Variants in C19orf47 observed in about 807,000 individuals in gnomAD.
C19orf47 encodes the protein uncharacterized protein C19orf47.
In C19orf47, 18 loss-of-function variants were observed where a neutral mutation model predicts 32.3. That is an observed-to-expected ratio of 0.56 (90% confidence interval 0.39 to 0.83). C19orf47 has a LOEUF of 0.83. Among genes scored for constraint, C19orf47 ranks in the 40% least tolerant of loss-of-function variants. C19orf47 has a pLI of 0.00. For missense variants in C19orf47, 484 were observed against 531.6 expected (o/e 0.91, Z 0.88); for synonymous variants, 202 against 211.1 (o/e 0.96, Z 0.37).
Position 40,324,025 on chromosome 19 carries a change from T to A in C19orf47, c.644A>T (p.Asp215Val). 6.2e-7 allele frequency: 1 copy of A among 1,614,214 alleles called. No individual in the cohort carries two copies. The highest frequency in any genetic ancestry group is 1.1e-5 in the South Asian group (1 of 91,088). ...FDRLGAETKA[D>V]TTTGSKPTGV... ...ACTCACTTTACTCCCTGTCGTGGTG[T>A]CTGCCTTGGTCTCGGCGCCGAGGCG... Residue 215 changes from aspartate to valine, a missense_variant, in exon 8 of 9, where the codon GAC becomes GTC. By Grantham distance (152) the Asp-to-Val change is radical. Coordinates refer to ENST00000683109, the MANE Select transcript of C19orf47 (RefSeq NM_001256441.2).
At chr19:40,304,798 C>A in the C19orf47 span, among the ~76,000 whole-genome samples, 2 of 152,154 alleles carry the variant, frequency 1.3e-5, no homozygotes, top group African/African-American at 4.8e-5. Context: ...TACAGGGAAG[C>A]CATTTTTTGC....
intron 7 of C19orf47, among the ~76,000 whole-genome samples, 180 bp downstream of exon 7, chr19:40,326,154 G>A (rs2077823675): frequency 6.6e-6 from 1 of 152,194 alleles, no homozygotes; most frequent in African/African-American, 2.4e-5. Flanking sequence ...AGGATCAGAG[G>A]GCAGAGGTGA....
chr19:40,335,436 C>T (rs1201343584), intron 4 of C19orf47, among the ~76,000 whole-genome samples: 1 of 152,140 alleles, frequency 6.6e-6, no homozygotes, highest in Non-Finnish European at 1.5e-5. Flanking sequence ...TGTGCTAGTG[C>T]TTCACATAGC....
At chr19:40,328,341 A>T (rs2077876019) in intron 6 of C19orf47, 72 bp downstream of exon 6, 2 of 1,575,536 alleles carry the variant, frequency 1.3e-6, no homozygotes, top group African/African-American at 1.4e-5. Flanking sequence ...TATTGGAAGC[A>T]TGACCCCCAA....
In C19orf47 at chr19:40,321,679, G is replaced by C; in HGVS notation, c.*203C>G. 1.4e-6 allele frequency: 2 copies of C among 1,406,426 alleles called. No homozygotes were observed. The highest frequency in any genetic ancestry group is 2.6e-5 in the East Asian group (1 of 38,044). 87.1% of individuals were successfully genotyped at this position (1,406,426 alleles called of 1,614,324 possible). On this transcript the variant is annotated 3_prime_UTR_variant, in exon 9 of 9. Coordinates refer to ENST00000683109, the MANE Select transcript of C19orf47 (RefSeq NM_001256441.2). ...AGGACATGAGAGAAGGGGAGTCCTG[G>C]AGCAGGCCAGGCCAGCTGCGACGAC... is the stretch of plus-strand genomic sequence containing the variant.
At chr19:40,326,554 C>G (rs984773317) in intron 6 of C19orf47, 68 bp from the exon 7 acceptor site, 2 of 1,546,272 alleles carry the variant, frequency 1.3e-6, no homozygotes, top group African/African-American at 2.7e-5. Context: ...GGAAGCTGGA[C>G]ACTAGGTGTC....
chr19:40,302,394 T>C, the C19orf47 span, among the ~76,000 whole-genome samples: 3 of 152,060 alleles, frequency 2.0e-5, no homozygotes, highest in Admixed American at 2.0e-4. Flanking sequence ...GCCTCCTGAG[T>C]AGTTGGGACT....
chr19:40,319,212 G>C (rs1017372237), downstream of C19orf47, among the ~76,000 whole-genome samples: 180 of 152,024 alleles, frequency 1.2e-3, 2 homozygotes, highest in Non-Finnish European at 8.8e-5. Flanking sequence ...GGAGGTTTCA[G>C]TGAGCCAAGA....
chr19:40,326,891 G>A (rs369515599), intron 6 of C19orf47, among the ~76,000 whole-genome samples: 50 of 152,200 alleles, frequency 3.3e-4, no homozygotes, highest in African/African-American at 1.1e-3. Flanking sequence ...GTGGTGGATT[G>A]TGCATAAGTT....
At chr19:40,347,854 C>T (rs1423365104) in intron 1 of C19orf47, among the ~76,000 whole-genome samples, 1 of 152,082 alleles carries the variant, frequency 6.6e-6, no homozygotes, top group Non-Finnish European at 1.5e-5. Flanking sequence ...TCTTTACACA[C>T]ACAGATTTCA....
At chr19:40,303,047 C>A in the C19orf47 span, among the ~76,000 whole-genome samples, 1 of 152,096 alleles carries the variant, frequency 6.6e-6, no homozygotes, top group Non-Finnish European at 1.5e-5. Context: ...TCAAGGCCAG[C>A]CTGGGCAACG....
intron 2 of C19orf47, among the ~76,000 whole-genome samples, chr19:40,340,358 T>C (rs2078151928): frequency 6.6e-6 from 1 of 152,132 alleles, no homozygotes. Flanking sequence ...AGATTTTGCC[T>C]GCTTCTATGC....
At chr19:40,293,392 C>A in the C19orf47 span, among the ~76,000 whole-genome samples, 3 of 151,930 alleles carry the variant, frequency 2.0e-5, no homozygotes, top group African/African-American at 7.3e-5. Context: ...GTGATCCGCC[C>A]GCCTCAGCCT....
At chr19:40,305,111 G>GGA in the C19orf47 span, among the ~76,000 whole-genome samples, 1 of 152,174 alleles carries the variant, frequency 6.6e-6, no homozygotes, top group South Asian at 2.1e-4. Context: ...GGGAGGCAAA[G>GGA]GAGAGCGGAT....
chr19:40,317,066 G>T (rs1194637747), downstream of C19orf47, among the ~76,000 whole-genome samples: 1 of 152,058 alleles, frequency 6.6e-6, no homozygotes, highest in Non-Finnish European at 1.5e-5. Flanking sequence ...ACTTTTCACT[G>T]TAGAGACTTT....
At chr19:40,299,967 TG>T in the C19orf47 span, among the ~76,000 whole-genome samples, 1 of 151,688 alleles carries the variant, frequency 6.6e-6, no homozygotes, top group African/African-American at 2.4e-5. Context: ...GGGCGGAGGT[TG>T]CAGAGAGCCG....
At chr19:40,341,800 T>A in intron 2 of C19orf47, 39 bp downstream of exon 2, 1 of 1,535,708 alleles carries the variant, frequency 6.5e-7, no homozygotes, top group Admixed American at 2.0e-5. Context: ...AAAAGGGCAG[T>A]GGGGAGAGGG....
intron 5 of C19orf47, 108 bp downstream of exon 5, chr19:40,333,743 T>C: frequency 1.1e-6 from 1 of 873,366 alleles, no homozygotes; most frequent in Non-Finnish European, 1.7e-6. Context: ...CCAATGGCTT[T>C]GTTTCTACCT....
chr19:40,338,114 G>C (rs555012424), intron 2 of C19orf47, among the ~76,000 whole-genome samples: 1 of 151,720 alleles, frequency 6.6e-6, no homozygotes, highest in Non-Finnish European at 1.5e-5. Flanking sequence ...TCCCTCTGTC[G>C]CCTAGGCCAG....
Sources: allele counts gnomAD v4.1 joint callset (sites outside exome capture counted in the v4.1 genomes callset), GRCh38; gene constraint gnomAD v4.1.1; transcripts MANE v1.5; gene names NCBI Gene and HGNC (gene_info 2026-07-23, HGNC 2026-07-21).